Variants in NRXN3 observed in about 807,000 individuals in gnomAD.
The protein encoded by NRXN3 is neurexin III.
In NRXN3, 32 loss-of-function variants were observed where a neutral mutation model predicts 137.6. The observed-to-expected ratio is 0.23, with a 90% confidence interval of 0.18 to 0.31. The LOEUF (loss-of-function observed/expected upper bound fraction) is 0.31. Among genes scored for constraint, NRXN3 ranks in the 10% least tolerant of loss-of-function variants. The pLI, the probability that NRXN3 is intolerant of heterozygous loss-of-function variation, is 1.00. For synonymous variants in NRXN3, 798 were observed against 784.5 expected, an observed-to-expected ratio of 1.02 and a Z score of -0.29; for missense variants, 1,574 against 2,062.5, an observed-to-expected ratio of 0.76 and a Z score of 4.59.
intron 18 of NRXN3, among the ~76,000 whole-genome samples, chr14:79,693,257 T>C (rs376457238): frequency 1.8e-4 from 27 of 152,104 alleles, no homozygotes; most frequent in South Asian, 8.3e-4. Context: ...AGAGATTTCA[T>C]TGAGTTATAT....
At chr14:78,536,939 T>C (rs973422334) in intron 4 of NRXN3, among the ~76,000 whole-genome samples, 3 of 152,178 alleles carry the variant, frequency 2.0e-5, no homozygotes, top group African/African-American at 7.2e-5. Flanking sequence ...CATGAACTCA[T>C]CCTTTTTTAT....
chr14:79,194,040 C>A (rs2064795800), intron 15 of NRXN3, among the ~76,000 whole-genome samples: 1 of 152,170 alleles, frequency 6.6e-6, no homozygotes, highest in African/African-American at 2.4e-5. Flanking sequence ...TAGACTATAA[C>A]AACATTTTTA....
At chr14:78,566,859 A>C (rs1389946292) in intron 4 of NRXN3, among the ~76,000 whole-genome samples, 1 of 152,170 alleles carries the variant, frequency 6.6e-6, no homozygotes, top group Non-Finnish European at 1.5e-5. Flanking sequence ...TTTGGCCCAG[A>C]GGAAGGAAGG....
At chr14:79,480,258 C>G (rs1600908236) in intron 16 of NRXN3, among the ~76,000 whole-genome samples, 1 of 152,104 alleles carries the variant, frequency 6.6e-6, no homozygotes, top group South Asian at 2.1e-4. Context: ...TACCTGATGC[C>G]TAATTCCTAA....
At chr14:79,829,097 A>G (rs1471575790) in intron 20 of NRXN3, among the ~76,000 whole-genome samples, 1 of 152,196 alleles carries the variant, frequency 6.6e-6, no homozygotes, top group Admixed American at 6.5e-5. Flanking sequence ...CCAATCATTT[A>G]CCAGTGTGAT....
intron 10 of NRXN3, among the ~76,000 whole-genome samples, chr14:78,883,265 A>G (rs1218960543): frequency 6.6e-6 from 1 of 152,240 alleles, no homozygotes; most frequent in Non-Finnish European, 1.5e-5. Flanking sequence ...ATGTGTTTAC[A>G]GACATCTTCT....
intron 15 of NRXN3, among the ~76,000 whole-genome samples, chr14:79,269,239 C>T (rs1336908583): frequency 1.3e-5 from 2 of 152,024 alleles, no homozygotes; most frequent in Admixed American, 6.6e-5. Context: ...TCAGTAGAGA[C>T]GGGGTTTCAC....
intron 4 of NRXN3, among the ~76,000 whole-genome samples, chr14:78,535,739 T>C (rs2153815849): frequency 6.6e-6 from 1 of 152,362 alleles, no homozygotes. Context: ...TAAAGCAACT[T>C]GAACTTTCAA....
intron 8 of NRXN3, among the ~76,000 whole-genome samples, chr14:78,723,699 G>A (rs1191999479): frequency 6.6e-6 from 1 of 152,168 alleles, no homozygotes; most frequent in African/African-American, 2.4e-5. Context: ...TGTATAATGT[G>A]CTCACATAGA....
At position 79,615,130 on chromosome 14, in the gene NRXN3, T is replaced by C. The variant is rs550241355; in HGVS notation, c.3445-48648T>C. Among the ~76,000 whole-genome samples, 4 of 152,332 alleles carry C rather than the reference T, an allele frequency of 2.6e-5. No homozygotes were observed. The South Asian group carries it at 8.3e-4, about 32-fold the overall frequency. On this transcript the variant is annotated intron_variant, in intron 16 of 20. Coordinates refer to ENST00000335750, the MANE Select transcript of NRXN3 (RefSeq NM_001330195.2). ...CAAGAGATTAGCCCTTAGTGACAGATGACTAATATATTCTGTGGACACTGA... is the reference window on the plus strand; with the variant it reads ...CAAGAGATTAGCCCTTAGTGACAGACGACTAATATATTCTGTGGACACTGA...
chr14:78,680,275 G>T (rs766121416), intron 6 of NRXN3, among the ~76,000 whole-genome samples: 1 of 152,012 alleles, frequency 6.6e-6, no homozygotes. Context: ...TAACTAATGA[G>T]TGCTAGGCTT....
intron 16 of NRXN3, among the ~76,000 whole-genome samples, chr14:79,587,695 C>T (rs755853339): frequency 1.3e-5 from 2 of 152,134 alleles, no homozygotes; most frequent in Admixed American, 6.5e-5. Context: ...TGGATTAAGA[C>T]GTATCACAAA....
intron 10 of NRXN3, among the ~76,000 whole-genome samples, chr14:78,865,056 C>T (rs2099083094): frequency 6.6e-6 from 1 of 152,100 alleles, no homozygotes; most frequent in Non-Finnish European, 1.5e-5. Flanking sequence ...GGTAGTATGT[C>T]CTGAACCCCA....
At chr14:79,445,397 G>GTACC (rs1275657021) in intron 15 of NRXN3, among the ~76,000 whole-genome samples, 7 of 152,048 alleles carry the variant, frequency 4.6e-5, no homozygotes, top group Admixed American at 4.6e-4. Context: ...ATATGATTAA[G>GTACC]TACCTACTCT....
At chr14:78,204,687 G>A (rs1164747666) in intron 1 of NRXN3, among the ~76,000 whole-genome samples, 2 of 152,128 alleles carry the variant, frequency 1.3e-5, no homozygotes, top group Non-Finnish European at 2.9e-5. Flanking sequence ...AAAGGTTAAT[G>A]TTAATCATTT....
At chr14:78,525,570 A>T (rs190159110) in intron 4 of NRXN3, among the ~76,000 whole-genome samples, 10 of 152,300 alleles carry the variant, frequency 6.6e-5, no homozygotes, top group Non-Finnish European at 1.5e-4. Flanking sequence ...GAGGGCTAAA[A>T]TGCATGACCA....
intron 10 of NRXN3, among the ~76,000 whole-genome samples, chr14:78,822,238 G>A (rs372558042): frequency 6.6e-6 from 1 of 152,102 alleles, no homozygotes; most frequent in East Asian, 1.9e-4. Context: ...CTTGACAGGT[G>A]GCTACTAATT....
chr14:79,512,113 G>A (rs1028482350), intron 16 of NRXN3, among the ~76,000 whole-genome samples: 4 of 152,172 alleles, frequency 2.6e-5, no homozygotes, highest in African/African-American at 9.7e-5. Context: ...TGGTCAGGCT[G>A]ATCTTGAACT....
intron 16 of NRXN3, among the ~76,000 whole-genome samples, chr14:79,579,941 C>A (rs1239737656): frequency 1.3e-5 from 2 of 152,140 alleles, no homozygotes; most frequent in African/African-American, 4.8e-5. Flanking sequence ...CCCCTCATCC[C>A]ACCCACACAC....
Sources: allele counts gnomAD v4.1 joint callset (sites outside exome capture counted in the v4.1 genomes callset), GRCh38; gene constraint gnomAD v4.1.1; transcripts MANE v1.5; gene names NCBI Gene and HGNC (gene_info 2026-07-23, HGNC 2026-07-21).